RHOQ: variants seen among roughly 807,000 people sequenced by gnomAD.
RHOQ encodes the protein rho-related GTP-binding protein RhoQ.
Under a neutral mutation model 25.8 loss-of-function variants are expected in RHOQ, and 7 were observed. The observed-to-expected ratio is 0.27, with a 90% CI of 0.15 to 0.51. The LOEUF (loss-of-function observed/expected upper bound fraction) is 0.51, where lower values mean the gene tolerates loss of function less well. RHOQ is among the 20% of genes least tolerant of loss of function. The pLI is 0.97. For synonymous variants in RHOQ, 97 were observed against 98.6 expected, an observed-to-expected ratio of 0.98 and a Z score of 0.10; for missense variants, 165 against 260.6, an observed-to-expected ratio of 0.63 and a Z score of 2.53.
intron 2 of RHOQ, among the ~76,000 whole-genome samples, chr2:46,557,092 A>C (rs35870739): frequency 0.22 from 33,259 of 152,132 alleles, 4,354 homozygotes; most frequent in Admixed American, 0.3. Flanking sequence ...TCAACCTATC[A>C]AGTTGAAAAG....
At chr2:46,575,966 C>A in intron 2 of RHOQ, 121 bp from the exon 3 acceptor site, 4 of 681,596 alleles carry the variant, frequency 5.9e-6, no homozygotes, top group Non-Finnish European at 9.1e-6. Context: ...ACTTAGAGTG[C>A]CATACATTCC....
In RHOQ at chr2:46,544,645, T is replaced by G. The variant is rs566412398; in HGVS notation, c.201+833T>G. On this transcript the variant is annotated intron_variant, in intron 2 of 4. Coordinates refer to ENST00000238738, the MANE Select transcript of RHOQ (RefSeq NM_012249.4). ...AGCTTCAGCCTCTTCCCAAACCCAC[T>G]TTTGCTCTGGGGATAAGTTGTGTGT... Among the ~76,000 whole-genome samples the G allele has an allele frequency of 6.6e-5, 10 of 152,346 alleles. No homozygotes were observed. The East Asian group carries it at 1.9e-3, about 29-fold the overall frequency.
At chr2:46,543,345 C>T (rs1306896370) in intron 1 of RHOQ, 157 bp downstream of exon 1, 2 of 739,928 alleles carry the variant, frequency 2.7e-6, no homozygotes, top group East Asian at 2.9e-5. Context: ...CGAAGCTTCG[C>T]TCCTGGCAAC....
Position 46,576,099 on chromosome 2 carries a change from C to T in RHOQ, c.214C>T (p.Arg72Cys), listed in dbSNP as rs765686678. ...CTTTGTTCCTCAGGAAGACTATGAC[C>T]GTCTGAGGCCTTTATCTTACCCAAT... ...YDTAGQEDYDRLRPLSYPMTD... is the reference protein window; with the variant it reads ...YDTAGQEDYDCLRPLSYPMTD... Residue 72 changes from arginine to cysteine, a missense_variant, in exon 3 of 5, where the codon CGT (arginine) becomes TGT (cysteine). Physicochemically the swap from Arg to Cys is radical, Grantham distance 180. Coordinates refer to ENST00000238738, the MANE Select transcript of RHOQ (RefSeq NM_012249.4). The surrounding 1 kb of genome is among the most constrained non-coding windows in gnomAD (Gnocchi z 5.1). 2 of 1,601,718 alleles carry T rather than the reference C, an allele frequency of 1.2e-6. No homozygotes were observed. Among genetic ancestry groups the T allele is most frequent in the Non-Finnish European group, 8.5e-7 (1 of 1,175,796 alleles).
chr2:46,557,760 C>T (rs1668449843), intron 2 of RHOQ, among the ~76,000 whole-genome samples: 1 of 152,124 alleles, frequency 6.6e-6, no homozygotes. Flanking sequence ...TTCCCACTAC[C>T]CTGAGACAAC....
intron 2 of RHOQ, among the ~76,000 whole-genome samples, chr2:46,558,549 A>C (rs1668472795): frequency 6.6e-6 from 1 of 152,028 alleles, no homozygotes; most frequent in South Asian, 2.1e-4. Context: ...TCAGGAACCC[A>C]TTTTTCCTCT....
At chr2:46,574,704 A>G (rs527400418) in intron 2 of RHOQ, among the ~76,000 whole-genome samples, 2 of 152,322 alleles carry the variant, frequency 1.3e-5, no homozygotes, top group Non-Finnish European at 1.5e-5. Context: ...GCCCTTCAAA[A>G]GCATCACAGA....
intron 2 of RHOQ, among the ~76,000 whole-genome samples, chr2:46,550,507 A>G (rs34050156): frequency 0.23 from 34,311 of 152,214 alleles, 4,300 homozygotes; most frequent in Admixed American, 0.29. Flanking sequence ...ACTCTGTCTC[A>G]GACTCCGGCC....
intron 1 of RHOQ, 73 bp from the exon 2 acceptor site, chr2:46,543,681 G>A (rs1241112568): frequency 7.2e-7 from 1 of 1,391,140 alleles, no homozygotes; most frequent in African/African-American, 1.4e-5. Context: ...GAGGGTCCGG[G>A]TGGGGAGCGA....
At chr2:46,547,064 T>C (rs1668093283) in intron 2 of RHOQ, among the ~76,000 whole-genome samples, 1 of 152,172 alleles carries the variant, frequency 6.6e-6, no homozygotes, top group Non-Finnish European at 1.5e-5. Context: ...GAGAAATAGC[T>C]TAGAGTTCCA....
rs4035765 is a variant in RHOQ at position 46,578,895 on chromosome 2, C to CGT, written c.463-2020_463-2019dup. On this transcript the variant is annotated intron_variant, in intron 4 of 4. Coordinates refer to ENST00000238738, the MANE Select transcript of RHOQ (RefSeq NM_012249.4). ...ATTATGTTGATTTAATCATTTCACT[C>CGT]GTGTGTGTGTGTGTATATGTATATA... Among the ~76,000 whole-genome samples, 1,059 of 151,502 alleles carry CGT rather than the reference C, an allele frequency of 7.0e-3. 7 individuals carry two copies. Among genetic ancestry groups the CGT allele is most frequent in the African/African-American group, 0.017 (696 of 41,284 alleles).
In RHOQ at chr2:46,543,803, G is replaced by A. The variant is rs775350221; in HGVS notation, c.192G>A (p.Thr64=). 4 of 1,613,424 alleles carry A rather than the reference G, an allele frequency of 2.5e-6. No homozygotes were observed. The highest frequency in any genetic ancestry group is 3.4e-6 in the Non-Finnish European group (4 of 1,179,758). Residue 64 remains threonine (T), a synonymous_variant, in exon 2 of 5, where the codon ACG becomes ACA. Coordinates refer to ENST00000238738, the MANE Select transcript of RHOQ (RefSeq NM_012249.4). The stretch of plus-strand genomic sequence containing the variant: ...AGTACCTCCTAGGACTCTATGACAC[G>A]GCCGGACAGGTGAGTGTCTTGGCCT... ...GKQYLLGLYD[T]AGQEDYDRLR... is the part of the protein sequence containing the mutation.
chr2:46,576,735 T>A lies in RHOQ; in HGVS notation c.462+79T>A. ...AATAGAAGCTAATTTTATTGTGTAT[T>A]TACTGTGTGCCAGGTGGAGTGCTTT... On this transcript the variant is annotated intron_variant, in intron 4 of 4. Coordinates refer to ENST00000238738, the MANE Select transcript of RHOQ (RefSeq NM_012249.4). This position sits in a 1 kb window ranked among gnomAD's most constrained non-coding sequence, Gnocchi z 5.1. 1.0e-6 allele frequency: 1 copy of A among 984,552 alleles called. No individual in the cohort carries two copies. The highest frequency in any genetic ancestry group is 1.5e-5 in the South Asian group (1 of 65,946). The allele number at this position is 984,552 out of a possible 1,614,324, so 61.0% of individuals were successfully genotyped here.
At chr2:46,574,336 C>CTT (rs11349816) in intron 2 of RHOQ, among the ~76,000 whole-genome samples, 1 of 142,446 alleles carries the variant, frequency 7.0e-6, no homozygotes, top group African/African-American at 2.5e-5. Flanking sequence ...CATACTGTTT[C>CTT]TTTTTTTTTT....
intron 2 of RHOQ, among the ~76,000 whole-genome samples, chr2:46,550,420 G>A (rs1668205067): frequency 6.6e-6 from 1 of 152,172 alleles, no homozygotes; most frequent in African/African-American, 2.4e-5. Context: ...ACATAGGTAT[G>A]GGGCAGGCCA....
chr2:46,570,517 T>C (rs1233338190), intron 2 of RHOQ, among the ~76,000 whole-genome samples: 1 of 152,126 alleles, frequency 6.6e-6, no homozygotes, highest in Non-Finnish European at 1.5e-5. Context: ...TGTTGTGATA[T>C]ATAAGTTAGA....
chr2:46,544,868 G>T (rs943909565), intron 2 of RHOQ, among the ~76,000 whole-genome samples: 3 of 152,232 alleles, frequency 2.0e-5, no homozygotes, highest in African/African-American at 7.2e-5. Flanking sequence ...CCCTGGTGCA[G>T]ATATTGTATG....
rs149066863 is a variant in RHOQ at position 46,550,973 on chromosome 2, G to C, written c.201+7161G>C. ...TGCAGGGTCCCACACAGGAAGAGGT[G>C]ACAGGGAGGAGCTTTTTGGAAGATC... is the stretch of plus-strand genomic sequence containing the variant. On this transcript the variant is annotated intron_variant, in intron 2 of 4. Coordinates refer to ENST00000238738, the MANE Select transcript of RHOQ (RefSeq NM_012249.4). Among the ~76,000 whole-genome samples, 632 of 152,260 alleles carry C rather than the reference G, an allele frequency of 4.2e-3. 2 individuals are homozygous for C. The highest frequency in any genetic ancestry group is 6.2e-3 in the Non-Finnish European group (425 of 68,028).
intron 2 of RHOQ, among the ~76,000 whole-genome samples, chr2:46,554,526 C>A (rs758050055): frequency 5.9e-5 from 9 of 152,204 alleles, no homozygotes; most frequent in Non-Finnish European, 1.0e-4. Context: ...TGGGTGGTGA[C>A]AGACCCTGTC....
Sources: gnomAD v4.1 joint callset for allele counts (sites outside exome capture counted in the v4.1 genomes callset) on GRCh38, gnomAD v4.1.1 for gene constraint, Gnocchi (gnomAD v3.1) non-coding constraint, MANE v1.5 for transcripts, NCBI Gene and HGNC (gene_info 2026-07-23, HGNC 2026-07-21) for gene names.